PDZRN4: variants seen among roughly 807,000 people sequenced by gnomAD.
PDZRN4 encodes the protein PDZ domain containing ring finger 4, also known as PDZ domain-containing RING finger protein 4.
PDZRN4 carries 70 observed loss-of-function variants against 99.0 expected under a neutral mutation model. That is an observed-to-expected ratio of 0.71 (90% CI 0.58 to 0.86). The LOEUF is 0.86. PDZRN4 is among the 40% of genes least tolerant of loss of function. The pLI is 0.00. For missense variants in PDZRN4, 1,474 were observed against 1,331.2 expected (o/e 1.11, Z -1.67); for synonymous variants, 551 against 501.6 (o/e 1.10, Z -1.32).
chr12:41,491,350 G>C (rs1412108737), intron 3 of PDZRN4, among the ~76,000 whole-genome samples: 1 of 151,990 alleles, frequency 6.6e-6, no homozygotes, highest in Non-Finnish European at 1.5e-5. Context: ...GTGAAACTCT[G>C]TCTCTAATAA....
rs183931583 is a variant in PDZRN4, at chr12:41,550,986, G to A, written c.1204-1670G>A. Among the ~76,000 whole-genome samples, 109 of 152,234 alleles carry A rather than the reference G, an allele frequency of 7.2e-4. 1 individual carries two copies. Among genetic ancestry groups the A allele is most frequent in the African/African-American group, 2.5e-3 (104 of 41,554 alleles). On this transcript the variant is annotated intron_variant, in intron 5 of 9. Transcript: ENST00000402685. ...AGTTAAGTAAGTTTTCCTTCATTTT[G>A]TACTGGTAACTATTTCAGATTTTAG...
At chr12:41,410,568 T>A (rs1952390237) in intron 3 of PDZRN4, among the ~76,000 whole-genome samples, 1 of 152,210 alleles carries the variant, frequency 6.6e-6, no homozygotes, top group Admixed American at 6.5e-5. Context: ...ATTCACAGTT[T>A]AGATGGTGCA....
chr12:41,533,238 G>A (rs1213239569), intron 5 of PDZRN4, among the ~76,000 whole-genome samples: 2 of 151,104 alleles, frequency 1.3e-5, no homozygotes, highest in East Asian at 1.9e-4. Context: ...GCAGTGGTAC[G>A]ATCTTGGCTC....
In PDZRN4 at chr12:41,231,312, C is replaced by A. The variant is rs368705900; in HGVS notation, c.843+37124C>A. On this transcript the variant is annotated intron_variant, in intron 3 of 9. Transcript: ENST00000402685. ...GAAAAATATATGTATGTTAACATGC[C>A]TTTGTGCCATCAGCATTAAAAACTC... Among the ~76,000 whole-genome samples the A allele has an allele frequency of 5.3e-5, 8 of 152,060 alleles. No individual in the cohort carries two copies. In the South Asian group the frequency reaches 1.7e-3, roughly 32 times the overall value.
chr12:41,319,653 C>CA (rs1469451221), intron 3 of PDZRN4, among the ~76,000 whole-genome samples: 1 of 152,120 alleles, frequency 6.6e-6, no homozygotes, highest in African/African-American at 2.4e-5. Context: ...CCACCAATTC[C>CA]AAAATCAGCC....
At chr12:41,392,051 T>A (rs536803065) in intron 3 of PDZRN4, among the ~76,000 whole-genome samples, 3 of 152,294 alleles carry the variant, frequency 2.0e-5, no homozygotes, top group Admixed American at 1.3e-4. Context: ...TTTTTGTAGT[T>A]CTTAACAAAA....
intron 3 of PDZRN4, among the ~76,000 whole-genome samples, chr12:41,372,757 T>C (rs1952050941): frequency 6.6e-6 from 1 of 152,130 alleles, no homozygotes. Flanking sequence ...TCTAAGCCAT[T>C]TAAGACAGTT....
chr12:41,268,495 A>T lies in PDZRN4; in HGVS notation c.843+74307A>T, dbSNP rs148957092. On this transcript the variant is annotated intron_variant, in intron 3 of 9. Coordinates refer to ENST00000402685, the MANE Select transcript of PDZRN4 (RefSeq NM_001164595.2). ...AGACAGGCTCCAAAGGATAAAGGTTAAACAAATTAGAATTACCAGTGCTAG... is the reference window on the plus strand; with the variant it reads ...AGACAGGCTCCAAAGGATAAAGGTTTAACAAATTAGAATTACCAGTGCTAG... Among the ~76,000 whole-genome samples the T allele has an allele frequency of 5.9e-5, 9 of 152,372 alleles. No individual in the cohort carries two copies. In the East Asian group the frequency reaches 1.7e-3, roughly 29 times the overall value.
At chr12:41,458,139 T>C (rs890619068) in intron 3 of PDZRN4, among the ~76,000 whole-genome samples, 7 of 152,158 alleles carry the variant, frequency 4.6e-5, no homozygotes, top group Admixed American at 3.3e-4. Flanking sequence ...AAGGTGTTAG[T>C]CTGAGGAGAG....
chr12:41,429,274 C>T (rs569332909), intron 3 of PDZRN4, among the ~76,000 whole-genome samples: 1 of 152,186 alleles, frequency 6.6e-6, no homozygotes, highest in East Asian at 1.9e-4. Context: ...TAATATCAGC[C>T]CATATATTGC....
At chr12:41,246,887 T>A (rs1951137086) in intron 3 of PDZRN4, among the ~76,000 whole-genome samples, 1 of 152,200 alleles carries the variant, frequency 6.6e-6, no homozygotes, top group Non-Finnish European at 1.5e-5. Flanking sequence ...CAGTTAATTT[T>A]TTTTCTATTT....
At chr12:41,348,968 T>C (rs181564893) in intron 3 of PDZRN4, among the ~76,000 whole-genome samples, 221 of 152,162 alleles carry the variant, frequency 1.5e-3, no homozygotes, top group Non-Finnish European at 2.4e-3. Flanking sequence ...ATTTTTCATA[T>C]AAATATTTTA....
In PDZRN4 at chr12:41,281,253, T is replaced by G. The variant is rs140050677; in HGVS notation, c.843+87065T>G. On this transcript the variant is annotated intron_variant, in intron 3 of 9. Transcript: ENST00000402685. ...TCAAAGGTAGATAAATCCACAAAGA[T>G]GAGGAAAAACCAGTGCAAATAGGCT... Among the ~76,000 whole-genome samples, 153 of 151,858 alleles carry G rather than the reference T, an allele frequency of 1.0e-3. 5 individuals are homozygous for G. Among genetic ancestry groups the G allele is most frequent in the African/African-American group, 3.5e-3 (147 of 41,484 alleles).
chr12:41,494,805 T>C (rs1937962949), intron 3 of PDZRN4, among the ~76,000 whole-genome samples: 1 of 152,116 alleles, frequency 6.6e-6, no homozygotes, highest in Non-Finnish European at 1.5e-5. Flanking sequence ...ACTCGACAAG[T>C]GTCAGGCTGC....
At chr12:41,501,169 T>G (rs1347198495) in intron 3 of PDZRN4, among the ~76,000 whole-genome samples, 1 of 152,136 alleles carries the variant, frequency 6.6e-6, no homozygotes, top group Non-Finnish European at 1.5e-5. Flanking sequence ...TATTCTCCCT[T>G]GAAAGCCATA....
intron 4 of PDZRN4, 174 bp from the exon 5 acceptor site, chr12:41,509,637 G>A (rs1350434): frequency 0.063 from 27,552 of 434,538 alleles, 1,115 homozygotes; most frequent in Middle Eastern, 0.1. Flanking sequence ...TGGACTTCAC[G>A]TAGAGGGAGA....
chr12:41,572,319 C>T (rs943692607), intron 9 of PDZRN4, 45 bp from the exon 10 acceptor site: 20 of 1,499,956 alleles, frequency 1.3e-5, no homozygotes, highest in Non-Finnish European at 1.8e-5. Context: ...CAAATGTCTT[C>T]CAAAATCATT....
intron 3 of PDZRN4, among the ~76,000 whole-genome samples, chr12:41,301,095 T>G (rs1951532359): frequency 6.6e-6 from 1 of 152,080 alleles, no homozygotes; most frequent in African/African-American, 2.4e-5. Flanking sequence ...TTGACAGTTA[T>G]TAGCTTATAG....
intron 3 of PDZRN4, among the ~76,000 whole-genome samples, chr12:41,368,125 G>C (rs1952015420): frequency 6.6e-6 from 1 of 152,008 alleles, no homozygotes; most frequent in Non-Finnish European, 1.5e-5. Flanking sequence ...TCAAAGTAGA[G>C]AAAGATGAAA....
Sources: gnomAD v4.1 joint callset for allele counts (sites outside exome capture counted in the v4.1 genomes callset) on GRCh38, gnomAD v4.1.1 for gene constraint, MANE v1.5 for transcripts, NCBI Gene and HGNC (gene_info 2026-07-23, HGNC 2026-07-21) for gene names.